PPARGC1A: variants seen among roughly 807,000 people sequenced by gnomAD.
PPARGC1A encodes the protein PPARG coactivator 1 alpha.
PPARGC1A carries 25 observed loss-of-function variants against 88.7 expected under a neutral mutation model. That is an observed-to-expected ratio of 0.28 (90% CI 0.21 to 0.39). PPARGC1A has a LOEUF of 0.39. Among genes scored for constraint, PPARGC1A ranks in the 10% least tolerant of loss-of-function variants. The probability of loss-of-function intolerance (pLI) is 1.00; values close to 1 mark genes in which losing one functional copy is unlikely to be tolerated. For synonymous variants in PPARGC1A, 363 were observed against 355.6 expected, an observed-to-expected ratio of 1.02 and a Z score of -0.24; for missense variants, 880 against 968.7, an observed-to-expected ratio of 0.91 and a Z score of 1.22.
chr4:23,977,420 C>A, the PPARGC1A span, among the ~76,000 whole-genome samples: 2 of 152,194 alleles, frequency 1.3e-5, no homozygotes, highest in Non-Finnish European at 2.9e-5. Context: ...AAAAAGGAAG[C>A]TTAGCTATCT....
chr4:24,276,231 T>C, the PPARGC1A span, among the ~76,000 whole-genome samples: 1 of 152,178 alleles, frequency 6.6e-6, no homozygotes, highest in Admixed American at 6.5e-5. Context: ...TGTTTTCTCT[T>C]GAGGTAGAAG....
chr4:24,200,122 AAAT>A, the PPARGC1A span, among the ~76,000 whole-genome samples: 32 of 152,308 alleles, frequency 2.1e-4, no homozygotes, highest in East Asian at 7.7e-4. Context: ...GATAAATAAT[AAAT>A]AATGAGAGAA....
the PPARGC1A span, among the ~76,000 whole-genome samples, chr4:24,085,639 A>G: frequency 6.6e-6 from 1 of 152,224 alleles, no homozygotes; most frequent in African/African-American, 2.4e-5. Flanking sequence ...GAGACCTGGC[A>G]TAAGAGAAAC....
the PPARGC1A span, among the ~76,000 whole-genome samples, chr4:24,014,415 C>T: frequency 6.6e-6 from 1 of 152,208 alleles, no homozygotes; most frequent in Admixed American, 6.5e-5. Flanking sequence ...TCTCTCATTG[C>T]ATCACTAATC....
chr4:23,953,610 C>T, the PPARGC1A span, among the ~76,000 whole-genome samples: 39 of 152,122 alleles, frequency 2.6e-4, no homozygotes, highest in African/African-American at 7.7e-4. Flanking sequence ...GGTCTCATTG[C>T]GCTGAACATT....
chr4:24,366,528 A>G, the PPARGC1A span, among the ~76,000 whole-genome samples: 1 of 152,114 alleles, frequency 6.6e-6, no homozygotes. Context: ...TCCCCACAAC[A>G]CAACCAACAA....
At chr4:23,887,515 A>C (rs1486657924) in intron 1 of PPARGC1A, among the ~76,000 whole-genome samples, 1 of 152,212 alleles carries the variant, frequency 6.6e-6, no homozygotes, top group Admixed American at 6.5e-5. Flanking sequence ...CTTTGCAACT[A>C]TGACAGCTAT....
At chr4:23,868,081 G>T (rs748388027) in intron 2 of PPARGC1A, among the ~76,000 whole-genome samples, 1 of 152,038 alleles carries the variant, frequency 6.6e-6, no homozygotes, top group Non-Finnish European at 1.5e-5. Flanking sequence ...CTGGAACCCC[G>T]GTAAGGTACC....
chr4:23,829,360 C>T (rs1724583874), intron 4 of PPARGC1A, 103 bp downstream of exon 4: 15 of 1,265,366 alleles, frequency 1.2e-5, no homozygotes, highest in Admixed American at 3.7e-5. Flanking sequence ...GAGGCAGCTT[C>T]GGGGTCCCAG....
intron 2 of PPARGC1A, among the ~76,000 whole-genome samples, chr4:23,853,759 A>G (rs11731707): frequency 0.19 from 28,198 of 152,174 alleles, 3,179 homozygotes; most frequent in Middle Eastern, 0.32. Flanking sequence ...ACAACGATTT[A>G]ATTTCTGGAG....
chr4:24,282,716 T>G, the PPARGC1A span, among the ~76,000 whole-genome samples: 1 of 152,224 alleles, frequency 6.6e-6, no homozygotes, highest in Admixed American at 6.5e-5. Flanking sequence ...CACAGTCCTG[T>G]GAGTCAGTGA....
chr4:24,007,397 G>C, the PPARGC1A span, among the ~76,000 whole-genome samples: 2 of 152,134 alleles, frequency 1.3e-5, no homozygotes, highest in African/African-American at 4.8e-5. Flanking sequence ...TCACCTACTA[G>C]AGATAGAAAT....
the PPARGC1A span, among the ~76,000 whole-genome samples, chr4:24,194,190 C>G: frequency 6.6e-6 from 1 of 151,134 alleles, no homozygotes; most frequent in East Asian, 2.0e-4. Context: ...CGACAGACTA[C>G]GGGAGGAAGC....
At chr4:24,398,588 A>G in the PPARGC1A span, among the ~76,000 whole-genome samples, 2 of 152,180 alleles carry the variant, frequency 1.3e-5, no homozygotes, top group East Asian at 3.8e-4. Context: ...TTTCTGTAGC[A>G]TCACAACTCC....
chr4:24,408,850 G>A, the PPARGC1A span, among the ~76,000 whole-genome samples: 6 of 152,174 alleles, frequency 3.9e-5, 1 homozygote, highest in Admixed American at 2.0e-4. Context: ...ACGGAAACAC[G>A]AAACATAACA....
chr4:23,973,662 G>T, the PPARGC1A span, among the ~76,000 whole-genome samples: 1 of 152,170 alleles, frequency 6.6e-6, no homozygotes, highest in Admixed American at 6.5e-5. Context: ...TTATTCTGCA[G>T]AGTAACTCCC....
At chr4:24,424,258 C>CTTTTTTTTTTTTTTTTT in the PPARGC1A span, among the ~76,000 whole-genome samples, 11 of 44,346 alleles carry the variant, frequency 2.5e-4, 3 homozygotes, top group East Asian at 9.7e-4. Flanking sequence ...TATACACACA[C>CTTTTTTTTTTTTTTTTT]TTTTTTTTTT....
chr4:23,825,300 G>A (rs939778734), intron 5 of PPARGC1A: 8 of 151,922 alleles, frequency 5.3e-5, no homozygotes, highest in Non-Finnish European at 8.8e-5. Context: ...GCATACTTGG[G>A]CTATACATTC....
At chr4:24,383,727 T>C in the PPARGC1A span, among the ~76,000 whole-genome samples, 3 of 152,068 alleles carry the variant, frequency 2.0e-5, no homozygotes, top group Non-Finnish European at 4.4e-5. Flanking sequence ...TGGGACTATG[T>C]GAAAAGACCA....
Sources: gnomAD v4.1 joint callset for allele counts (sites outside exome capture counted in the v4.1 genomes callset) on GRCh38, gnomAD v4.1.1 for gene constraint, MANE v1.5 for transcripts, NCBI Gene and HGNC (gene_info 2026-07-23, HGNC 2026-07-21) for gene names.